Variants in RASGRF2 observed in about 807,000 individuals in gnomAD.
RASGRF2 encodes ras-specific guanine nucleotide-releasing factor 2.
Under a neutral mutation model 151.0 loss-of-function variants are expected in RASGRF2, and 76 were observed. The ratio of observed to expected loss-of-function variants is 0.50; its 90% CI spans 0.42 to 0.61. RASGRF2 has a LOEUF of 0.61. RASGRF2 is among the 20% of genes least tolerant of loss of function. The probability of loss-of-function intolerance (pLI) is 0.00; values close to 1 mark genes in which losing one functional copy is unlikely to be tolerated. For missense variants in RASGRF2, 1,148 were observed against 1,564.6 expected (o/e 0.73, Z 4.49); for synonymous variants, 504 against 566.5 (o/e 0.89, Z 1.57).
chr5:81,114,019 G>C (rs1753081627), intron 15 of RASGRF2, 99 bp downstream of exon 15: 3 of 1,386,350 alleles, frequency 2.2e-6, no homozygotes, highest in Non-Finnish European at 2.9e-6. Context: ...CTTTACAACT[G>C]TAATACTTCT....
intron 17 of RASGRF2, among the ~76,000 whole-genome samples, chr5:81,166,470 G>C (rs1337668859): frequency 6.6e-6 from 1 of 152,172 alleles, no homozygotes; most frequent in East Asian, 1.9e-4. Flanking sequence ...TTACAGGTGT[G>C]AGCCACAGCA....
At chr5:81,058,254 A>G (rs111326398) in intron 2 of RASGRF2, among the ~76,000 whole-genome samples, 94 of 152,286 alleles carry the variant, frequency 6.2e-4, no homozygotes, top group African/African-American at 2.1e-3. Context: ...ATACAAAATA[A>G]AAAAATAGCT....
chr5:81,008,139 C>CTTTTTTTTTTTTTT (rs58105434), intron 1 of RASGRF2, among the ~76,000 whole-genome samples: 8 of 85,388 alleles, frequency 9.4e-5, no homozygotes, highest in East Asian at 2.9e-4. Flanking sequence ...TCTTTCTTTC[C>CTTTTTTTTTTTTTT]TTTTTTTTTT....
At chr5:81,005,615 C>T (rs116793430) in intron 1 of RASGRF2, among the ~76,000 whole-genome samples, 1,785 of 152,288 alleles carry the variant, frequency 0.012, 52 homozygotes, top group African/African-American at 0.041. Flanking sequence ...TATGGATATA[C>T]CACATTTTGT....
At chr5:81,182,102 G>A (rs1754928721) in intron 18 of RASGRF2, among the ~76,000 whole-genome samples, 1 of 152,168 alleles carries the variant, frequency 6.6e-6, no homozygotes, top group South Asian at 2.1e-4. Context: ...CTGAGTGACT[G>A]CAGCTGTGCT....
chr5:81,055,446 G>T (rs1751169613), intron 2 of RASGRF2, among the ~76,000 whole-genome samples: 1 of 152,118 alleles, frequency 6.6e-6, no homozygotes, highest in South Asian at 2.1e-4. Context: ...TTTTGGGTAT[G>T]TTGAACCAGC....
At chr5:81,157,983 T>C (rs1754301883) in intron 17 of RASGRF2, among the ~76,000 whole-genome samples, 1 of 152,162 alleles carries the variant, frequency 6.6e-6, no homozygotes, top group Non-Finnish European at 1.5e-5. Flanking sequence ...CAGCTTTAAA[T>C]ACAAATATTG....
chr5:80,972,532 T>C (rs1019439877), intron 1 of RASGRF2, among the ~76,000 whole-genome samples: 13 of 152,102 alleles, frequency 8.5e-5, no homozygotes, highest in Non-Finnish European at 1.9e-4. Flanking sequence ...CAGGCTGGAG[T>C]GCAGTGGTAT....
intron 1 of RASGRF2, among the ~76,000 whole-genome samples, chr5:81,019,225 A>G (rs922125467): frequency 1.3e-5 from 2 of 150,066 alleles, no homozygotes; most frequent in Admixed American, 6.7e-5. Context: ...GCATTATTCA[A>G]ATTTCTGGGG....
rs545873456 is a variant in RASGRF2, at chr5:80,962,861, G to C, written c.288+1835G>C. Among the ~76,000 whole-genome samples the C allele has an allele frequency of 2.6e-5, 4 of 151,486 alleles. No individual in the cohort carries two copies. In the East Asian group the frequency reaches 7.7e-4, roughly 29 times the overall value. On this transcript the variant is annotated intron_variant, in intron 1 of 26. Coordinates refer to ENST00000265080, the MANE Select transcript of RASGRF2 (RefSeq NM_006909.3). ...TGAAAAAATTGTTTTCCCTTTTTAT[G>C]ACCATGCAAATGATGAGTATTTCTC...
At chr5:81,074,354 T>G (rs998515978) in intron 5 of RASGRF2, among the ~76,000 whole-genome samples, 2 of 152,194 alleles carry the variant, frequency 1.3e-5, no homozygotes, top group African/African-American at 4.8e-5. Context: ...GAGGGTTTAG[T>G]GTTTTACTTA....
intron 18 of RASGRF2, among the ~76,000 whole-genome samples, chr5:81,197,234 A>G (rs1488370559): frequency 1.3e-5 from 2 of 151,780 alleles, no homozygotes; most frequent in Non-Finnish European, 2.9e-5. Flanking sequence ...AGGCGGGTGG[A>G]TCATGAGGTC....
At chr5:81,018,385 A>G (rs974438975) in intron 1 of RASGRF2, among the ~76,000 whole-genome samples, 4 of 152,076 alleles carry the variant, frequency 2.6e-5, no homozygotes, top group African/African-American at 9.7e-5. Context: ...CCCATTTGCT[A>G]TCCTACAGTG....
chr5:81,042,471 G>A (rs1169355471), intron 1 of RASGRF2, among the ~76,000 whole-genome samples: 1 of 152,218 alleles, frequency 6.6e-6, no homozygotes, highest in Non-Finnish European at 1.5e-5. Flanking sequence ...ATATAGAATA[G>A]AACAGACAAT....
rs1269872646 is a variant in RASGRF2 at position 81,036,670 on chromosome 5, AT to A, written c.289-6198del. Among the ~76,000 whole-genome samples the A allele has an allele frequency of 4.6e-5, 7 of 151,414 alleles. No homozygotes were observed. In the East Asian group the frequency reaches 5.8e-4, roughly 13 times the overall value. On this transcript the variant is annotated intron_variant, in intron 1 of 26. Transcript: ENST00000265080. ...TATACCTATTCCAGATATTTTATCA[AT>A]TTTTTTTTAATCCCTAGTGGCTTCC...
At chr5:81,150,613 T>C (rs539991969) in intron 17 of RASGRF2, among the ~76,000 whole-genome samples, 1 of 152,274 alleles carries the variant, frequency 6.6e-6, no homozygotes, top group South Asian at 2.1e-4. Context: ...CTCACTTATG[T>C]GCATGCATGT....
At chr5:81,211,660 T>G (rs1755633553) in intron 22 of RASGRF2, among the ~76,000 whole-genome samples, 1 of 152,232 alleles carries the variant, frequency 6.6e-6, no homozygotes, top group South Asian at 2.1e-4. Flanking sequence ...GGTGTATGGA[T>G]ATAAGATTAC....
At chr5:81,053,582 A>G (rs1751094110) in intron 2 of RASGRF2, among the ~76,000 whole-genome samples, 1 of 152,054 alleles carries the variant, frequency 6.6e-6, no homozygotes, top group African/African-American at 2.4e-5. Context: ...GCTGCAATAA[A>G]CATACGTGTG....
chr5:81,112,530 T>A, intron 13 of RASGRF2, 80 bp from the exon 14 acceptor site: 3 of 1,574,592 alleles, frequency 1.9e-6, no homozygotes, highest in Non-Finnish European at 2.6e-6. Flanking sequence ...GAGTGTGTGA[T>A]TACAAACGCT....
Sources: allele counts gnomAD v4.1 joint callset (sites outside exome capture counted in the v4.1 genomes callset), GRCh38; gene constraint gnomAD v4.1.1; transcripts MANE v1.5; gene names NCBI Gene and HGNC (gene_info 2026-07-23, HGNC 2026-07-21).